RXYLT1: variants seen among roughly 807,000 people sequenced by gnomAD.
The protein encoded by RXYLT1 is ribitol-5-phosphate xylosyltransferase 1.
Under a neutral mutation model 43.5 loss-of-function variants are expected in RXYLT1, and 41 were observed. The ratio of observed to expected loss-of-function variants is 0.94; its 90% CI spans 0.73 to 1.22. The LOEUF (loss-of-function observed/expected upper bound fraction) is 1.22. Ranked by LOEUF, RXYLT1 falls within the 50% of genes most tolerant of loss-of-function variation. The probability of loss-of-function intolerance (pLI) is 0.00; values close to 1 mark genes in which losing one functional copy is unlikely to be tolerated. For synonymous variants in RXYLT1, 166 were observed against 194.4 expected (o/e 0.85, Z 1.21); for missense variants, 514 against 532.0 (o/e 0.97, Z 0.33).
In RXYLT1 at chr12:63,780,094, A is replaced by G. The variant is rs1251418728; in HGVS notation, c.134A>G (p.Lys45Arg). The change falls in exon 1 of 6, where the codon AAG (lysine) becomes AGG (arginine). Residue 45 changes from lysine (K) to arginine (R), a missense_variant. Transcript: ENST00000261234. ...GCCGGGTCCCCGCGGGGCCTCAGGA[A>G]GGGGGCGGCCCCCGCGCGGGAGAGA... is the stretch of plus-strand genomic sequence containing the variant. Reference protein sequence around the residue: ...APAGSPRGLRKGAAPARERRG... With the variant: ...APAGSPRGLRRGAAPARERRG... 1 of 1,567,996 alleles carries G rather than the reference A, an allele frequency of 6.4e-7. No homozygotes were observed. The highest frequency in any genetic ancestry group is 1.8e-5 in the Admixed American group (1 of 54,418).
chr12:63,798,880 T>C (rs1898092227), intron 3 of RXYLT1, among the ~76,000 whole-genome samples: 1 of 152,152 alleles, frequency 6.6e-6, no homozygotes, highest in Non-Finnish European at 1.5e-5. Flanking sequence ...GGAATATGAG[T>C]TTTTCTTTCA....
At chr12:63,782,276 T>G (rs1237447329) in intron 2 of RXYLT1, among the ~76,000 whole-genome samples, 1 of 152,148 alleles carries the variant, frequency 6.6e-6, no homozygotes, top group Non-Finnish European at 1.5e-5. Flanking sequence ...AGTAAAAAAG[T>G]GTCACTGGTC....
chr12:63,792,175 G>T (rs925408599), intron 3 of RXYLT1, among the ~76,000 whole-genome samples: 2 of 152,182 alleles, frequency 1.3e-5, no homozygotes, highest in African/African-American at 4.8e-5. Flanking sequence ...GGTCCCTAAA[G>T]ATCATTTTCA....
chr12:63,803,222 T>C (rs960140021), intron 4 of RXYLT1, among the ~76,000 whole-genome samples: 2 of 150,290 alleles, frequency 1.3e-5, no homozygotes, highest in African/African-American at 4.9e-5. Flanking sequence ...GATATAGTCT[T>C]TCTCCAGCTA....
intron 3 of RXYLT1, among the ~76,000 whole-genome samples, chr12:63,797,443 T>A (rs546223131): frequency 6.6e-6 from 1 of 152,224 alleles, no homozygotes; most frequent in African/African-American, 2.4e-5. Context: ...GTCTTTAAAA[T>A]GAGTAGAAGT....
intron 2 of RXYLT1, chr12:63,782,587 G>T (rs1338635295): frequency 2.2e-6 from 1 of 456,656 alleles, no homozygotes; most frequent in Non-Finnish European, 4.4e-6. Flanking sequence ...GAAGAACCTT[G>T]TGGGCCCTCT....
intron 2 of RXYLT1, 115 bp from the exon 3 acceptor site, chr12:63,784,855 G>C: frequency 2.5e-6 from 2 of 794,406 alleles, no homozygotes; most frequent in Non-Finnish European, 4.0e-6. Flanking sequence ...CCAAAGGAGA[G>C]GCATTCTGGT....
intron 4 of RXYLT1, among the ~76,000 whole-genome samples, chr12:63,803,181 CAAAAAAAAAAA>C (rs763579072): frequency 8.4e-4 from 19 of 22,596 alleles, no homozygotes; most frequent in African/African-American, 2.3e-3. Context: ...ACTGTCTCAC[CAAAAAAAAAAA>C]AAAAAAAAAA....
Position 63,808,698 on chromosome 12 carries a change from A to G in RXYLT1, c.938A>G (p.Glu313Gly). Reference protein sequence around the residue: ...REHWQPQETNESLKNYQDALL... With the variant: ...REHWQPQETNGSLKNYQDALL... ...AGCTGGCAGCCTCAGGAAACAAATG[A>G]AAGTCTTAAGAATTACCAAGATGCC... Residue 313 changes from glutamate to glycine, a missense_variant, in exon 6 of 6, where the codon GAA (glutamate) becomes GGA (glycine). Transcript: ENST00000261234. The G allele has an allele frequency of 6.2e-7, 1 of 1,600,462 alleles. No individual in the cohort carries two copies. Among genetic ancestry groups the G allele is most frequent in the Non-Finnish European group, 8.5e-7 (1 of 1,177,260 alleles).
chr12:63,804,974 T>G (rs553108246), intron 4 of RXYLT1: 165 of 342,586 alleles, frequency 4.8e-4, no homozygotes, highest in African/African-American at 3.3e-3. Context: ...TAATGCAAGT[T>G]AAAGAATGTC....
At chr12:63,802,555 C>T (rs891157368) in intron 4 of RXYLT1, 150 bp downstream of exon 4, 10 of 614,764 alleles carry the variant, frequency 1.6e-5, no homozygotes, top group Admixed American at 3.7e-5. Context: ...AGGGTGTGGT[C>T]GCATCCTTCA....
intron 3 of RXYLT1, among the ~76,000 whole-genome samples, chr12:63,793,043 A>G (rs1383997525): frequency 2.0e-5 from 3 of 152,160 alleles, no homozygotes; most frequent in Non-Finnish European, 4.4e-5. Flanking sequence ...AGTAGCTGGG[A>G]ATATAGGTAT....
At chr12:63,805,541 A>C in intron 5 of RXYLT1, 137 bp downstream of exon 5, 1 of 807,006 alleles carries the variant, frequency 1.2e-6, no homozygotes, top group Non-Finnish European at 1.8e-6. Context: ...ATTAGTAATT[A>C]AAACTGTGAA....
chr12:63,783,203 G>T (rs1005061064), intron 2 of RXYLT1, among the ~76,000 whole-genome samples: 1 of 152,284 alleles, frequency 6.6e-6, no homozygotes. Flanking sequence ...TCTCACGCCC[G>T]TAATCCCAGC....
chr12:63,799,299 TTTC>T (rs1898104030), intron 3 of RXYLT1, among the ~76,000 whole-genome samples: 1 of 128,564 alleles, frequency 7.8e-6, no homozygotes, highest in Admixed American at 1.0e-4. Flanking sequence ...TTTCTTTTCT[TTTC>T]TTTTTTTTTT....
At chr12:63,780,451 A>C in intron 1 of RXYLT1, 1 of 1,172,264 alleles carries the variant, frequency 8.5e-7, no homozygotes, top group Admixed American at 4.7e-5. Context: ...AAGGCCTCAA[A>C]ATCGCCGCAA....
chr12:63,782,909 G>T (rs984107407), intron 2 of RXYLT1, among the ~76,000 whole-genome samples: 1 of 151,954 alleles, frequency 6.6e-6, no homozygotes, highest in African/African-American at 2.4e-5. Context: ...TCAAATTCTG[G>T]TTCCCTTTTG....
intron 5 of RXYLT1, chr12:63,808,398 C>T: frequency 4.9e-6 from 2 of 408,920 alleles, no homozygotes; most frequent in South Asian, 5.8e-5. Flanking sequence ...GAAGAGAGGA[C>T]CTAGCACTCC....
In RXYLT1 at chr12:63,808,680, A is replaced by G. The variant is rs866198592; in HGVS notation, c.920A>G (p.Gln307Arg). The change falls in exon 6 of 6, where the codon CAG becomes CGG. Residue 307 changes from glutamine (Q) to arginine (R), a missense_variant. Transcript: ENST00000261234. ...TTGTTTTTCTGATTTTCTAGCTGGC[A>G]GCCTCAGGAAACAAATGAAAGTCTT... is the stretch of plus-strand genomic sequence containing the variant. ...LCWVSAREHWQPQETNESLKN... is the reference protein window; with the variant it reads ...LCWVSAREHWRPQETNESLKN... The G allele has an allele frequency of 5.0e-6, 8 of 1,597,162 alleles. No homozygotes were observed. In the Middle Eastern group the frequency reaches 1.0e-3, roughly 199 times the overall value.
Sources: gnomAD v4.1 joint callset for allele counts (sites outside exome capture counted in the v4.1 genomes callset) on GRCh38, gnomAD v4.1.1 for gene constraint, MANE v1.5 for transcripts, NCBI Gene and HGNC (gene_info 2026-07-23, HGNC 2026-07-21) for gene names.